The following ANKRD12 variants were observed in gnomAD, a reference collection of about 807,000 sequenced individuals.
ANKRD12 encodes the protein ankyrin repeat domain-containing protein 12.
A neutral mutation model predicts 183.4 loss-of-function variants in ANKRD12; 85 were observed. The observed-to-expected ratio is 0.46, with a 90% CI of 0.39 to 0.56. ANKRD12 has a LOEUF of 0.56. Ranked by LOEUF, ANKRD12 falls within the 20% of genes least tolerant of loss-of-function variation. ANKRD12 has a pLI of 0.00. For synonymous variants in ANKRD12, 914 were observed against 800.2 expected (o/e 1.14, Z -2.40); for missense variants, 2,405 against 2,357.1 (o/e 1.02, Z -0.42).
chr18:9,179,903 G>T (rs900564488), intron 1 of ANKRD12, among the ~76,000 whole-genome samples: 50 of 152,188 alleles, frequency 3.3e-4, no homozygotes, highest in Non-Finnish European at 1.2e-4. Flanking sequence ...ACAGAATGTG[G>T]CCTATCTTGG....
chr18:9,193,636 A>T (rs980579685), intron 2 of ANKRD12, among the ~76,000 whole-genome samples: 1 of 152,186 alleles, frequency 6.6e-6, no homozygotes, highest in African/African-American at 2.4e-5. Flanking sequence ...TTTAAAAAAA[A>T]TGACATTAAT....
At chr18:9,272,604 T>C (rs759329154) in intron 10 of ANKRD12, among the ~76,000 whole-genome samples, 12 of 151,874 alleles carry the variant, frequency 7.9e-5, no homozygotes, top group Non-Finnish European at 1.6e-4. Flanking sequence ...TCACATGGTG[T>C]TTGCTTTTGA....
At chr18:9,188,870 G>T (rs578225354) in intron 2 of ANKRD12, among the ~76,000 whole-genome samples, 103 of 152,280 alleles carry the variant, frequency 6.8e-4, no homozygotes, top group African/African-American at 2.4e-3. Flanking sequence ...TCCCAACTCC[G>T]CCCCTCCTTG....
chr18:9,272,950 A>C (rs1405241705), intron 10 of ANKRD12, among the ~76,000 whole-genome samples: 1 of 150,806 alleles, frequency 6.6e-6, no homozygotes, highest in Non-Finnish European at 1.5e-5. Flanking sequence ...AGAGGAGAGA[A>C]TGGGAAACGT....
intron 11 of ANKRD12, 24 bp downstream of exon 11, chr18:9,275,691 A>G: frequency 6.6e-7 from 1 of 1,523,330 alleles, no homozygotes; most frequent in Non-Finnish European, 8.9e-7. Flanking sequence ...TGATACATTT[A>G]GAAGTAATGG....
At chr18:9,239,015 G>A (rs538668072) in intron 8 of ANKRD12, among the ~76,000 whole-genome samples, 12 of 152,240 alleles carry the variant, frequency 7.9e-5, no homozygotes, top group South Asian at 2.1e-4. Context: ...CCAGCTATTC[G>A]GGATGGGGCT....
intron 1 of ANKRD12, among the ~76,000 whole-genome samples, chr18:9,157,583 GTGTA>G (rs1406817949): frequency 9.9e-6 from 1 of 100,592 alleles, no homozygotes; most frequent in Non-Finnish European, 1.8e-5. Flanking sequence ...GTGTGTGTGT[GTGTA>G]TATATATATA....
intron 8 of ANKRD12, among the ~76,000 whole-genome samples, chr18:9,242,334 A>T (rs1272565810): frequency 6.6e-6 from 1 of 152,188 alleles, no homozygotes; most frequent in South Asian, 2.1e-4. Flanking sequence ...AGCAACTTAA[A>T]GTGAGTCTGT....
chr18:9,251,751 G>A (rs2038311571), intron 8 of ANKRD12, among the ~76,000 whole-genome samples: 1 of 151,972 alleles, frequency 6.6e-6, no homozygotes, highest in Non-Finnish European at 1.5e-5. Context: ...CCACGATCAC[G>A]CCACTGCACT....
intron 10 of ANKRD12, among the ~76,000 whole-genome samples, chr18:9,268,352 C>G (rs1162231747): frequency 1.3e-5 from 2 of 152,182 alleles, no homozygotes; most frequent in Non-Finnish European, 2.9e-5. Flanking sequence ...CCCTGATGAA[C>G]ATCGATGCAA....
At chr18:9,163,351 G>A (rs975109202) in intron 1 of ANKRD12, among the ~76,000 whole-genome samples, 1 of 152,130 alleles carries the variant, frequency 6.6e-6, no homozygotes, top group African/African-American at 2.4e-5. Flanking sequence ...TCAGATGATT[G>A]TGGGTGTGCC....
Position 9,221,896 on chromosome 18 carries a change from T to G in ANKRD12, c.840T>G (p.Ala280=). The change falls in exon 8 of 13, where the codon GCT becomes GCG. Residue 280 remains alanine, a synonymous_variant. Transcript: ENST00000262126. ...GTCACGGTGGAAATCCATTTCAAGC[T>G]AATAAACATGGGGAGCGTCCAGTGG... ...LLRHGGNPFQ[A]NKHGERPVDV... The G allele has an allele frequency of 6.2e-7, 1 of 1,613,978 alleles. No individual in the cohort carries two copies. The highest frequency in any genetic ancestry group is 8.5e-7 in the Non-Finnish European group (1 of 1,179,910).
intron 2 of ANKRD12, among the ~76,000 whole-genome samples, chr18:9,182,768 GAAA>G (rs1393805811): frequency 1.3e-5 from 2 of 151,960 alleles, no homozygotes; most frequent in Non-Finnish European, 2.9e-5. Context: ...TTGAGAGAGG[GAAA>G]AATTTTTATT....
At chr18:9,275,123 C>A (rs934277179) in intron 10 of ANKRD12, among the ~76,000 whole-genome samples, 1 of 152,018 alleles carries the variant, frequency 6.6e-6, no homozygotes, top group Non-Finnish European at 1.5e-5. Context: ...TCCAGGATTT[C>A]GAGATTACAG....
At position 9,283,711 on chromosome 18, in the gene ANKRD12, CTA is replaced by C. The variant is rs2040170846; in HGVS notation, c.*2586_*2587del. 6.6e-6 allele frequency: 1 copy of C among 152,416 alleles called. No homozygotes were observed. The highest frequency in any genetic ancestry group is 2.4e-5 in the African/African-American group (1 of 41,368). 9.4% of individuals were successfully genotyped at this position (152,416 alleles called of 1,614,324 possible). A position where few individuals can be genotyped will look rare whatever the true frequency, so the allele number is the denominator to read the frequency against. On this transcript the variant is annotated 3_prime_UTR_variant, in exon 13 of 13. Coordinates refer to ENST00000262126, the MANE Select transcript of ANKRD12 (RefSeq NM_015208.5). ...TTTGTTCTAAATATCTGTTTAATGACTAGTTGATATTTGTGCATGTTATTTAA... is the reference window on the plus strand; with the variant it reads ...TTTGTTCTAAATATCTGTTTAATGACGTTGATATTTGTGCATGTTATTTAA...
intron 1 of ANKRD12, among the ~76,000 whole-genome samples, chr18:9,144,969 T>G (rs574716567): frequency 1.2e-3 from 179 of 152,200 alleles, no homozygotes; most frequent in African/African-American, 4.2e-3. Flanking sequence ...GATTATGGAC[T>G]TTTACAAGGA....
chr18:9,254,600 G>A lies in ANKRD12; in HGVS notation c.1333G>A (p.Val445Ile), dbSNP rs140239106. The A allele has an allele frequency of 1.3e-5, 20 of 1,581,852 alleles. No individual in the cohort carries two copies. In the African/African-American group the frequency reaches 1.6e-4, roughly 13 times the overall value. Residue 445 changes from valine (V) to isoleucine (I), a missense_variant, in exon 9 of 13, where the codon GTC becomes ATC. Transcript: ENST00000262126. ...QNKKISTSCSVIPETSNSDMQ... is the reference protein window; with the variant it reads ...QNKKISTSCSIIPETSNSDMQ... ...TAAAAAGATTTCTACTTCATGTTCC[G>A]TCATCCCTGAAACATCAAATTCTGA...
intron 7 of ANKRD12, among the ~76,000 whole-genome samples, chr18:9,220,417 A>G (rs1252834137): frequency 3.9e-5 from 6 of 152,204 alleles, no homozygotes; most frequent in Non-Finnish European, 7.3e-5. Flanking sequence ...GTTAATGGAA[A>G]TGCACAAAAT....
At chr18:9,160,943 A>G (rs2031321302) in intron 1 of ANKRD12, among the ~76,000 whole-genome samples, 2 of 152,180 alleles carry the variant, frequency 1.3e-5, no homozygotes, top group South Asian at 4.1e-4. Context: ...TTTAATCTGT[A>G]GTCAGTATTC....
Sources: allele counts gnomAD v4.1 joint callset (sites outside exome capture counted in the v4.1 genomes callset), GRCh38; gene constraint gnomAD v4.1.1; transcripts MANE v1.5; gene names NCBI Gene and HGNC (gene_info 2026-07-23, HGNC 2026-07-21).